Variants in USP32 observed in about 807,000 individuals in gnomAD.
The protein encoded by USP32 is ubiquitin carboxyl-terminal hydrolase 32.
A neutral mutation model predicts 204.8 loss-of-function variants in USP32; 59 were observed. That is an observed-to-expected ratio of 0.29 (90% CI 0.23 to 0.36). The LOEUF is 0.36. USP32 is among the 10% of genes least tolerant of loss of function. USP32 has a pLI of 1.00. For synonymous variants in USP32, 517 were observed against 678.4 expected, an observed-to-expected ratio of 0.76 and a Z score of 3.70; for missense variants, 1,160 against 1,946.4, an observed-to-expected ratio of 0.60 and a Z score of 7.60.
intron 5 of USP32, among the ~76,000 whole-genome samples, chr17:60,281,048 A>G (rs1282495761): frequency 6.6e-6 from 1 of 152,252 alleles, no homozygotes; most frequent in Non-Finnish European, 1.5e-5. Flanking sequence ...TTATAAAATA[A>G]AAGTAAACAA....
At chr17:60,257,492 T>G (rs1375103582) in intron 9 of USP32, among the ~76,000 whole-genome samples, 5 of 152,112 alleles carry the variant, frequency 3.3e-5, no homozygotes, top group Non-Finnish European at 5.9e-5. Flanking sequence ...TTTATTTTAT[T>G]TTGTTTTCTA....
Position 60,178,856 on chromosome 17 carries a change from CATT to C in USP32, c.*396_*398del. 6.6e-6 allele frequency among the ~76,000 whole-genome samples: 1 copy of C among 152,300 alleles called. No homozygotes were observed. The highest frequency in any genetic ancestry group is 2.1e-4 in the South Asian group (1 of 4,822). On this transcript the variant is annotated 3_prime_UTR_variant, in exon 34 of 34. Coordinates refer to ENST00000300896, the MANE Select transcript of USP32 (RefSeq NM_032582.4). ...AGCATATCATGTCGTCCCTAGACAA[CATT>C]ATAATTGTTTGTTTTTTACTCTGAC... is the stretch of plus-strand genomic sequence containing the variant.
At chr17:60,390,006 G>C (rs1330693661) in intron 1 of USP32, among the ~76,000 whole-genome samples, 1 of 151,852 alleles carries the variant, frequency 6.6e-6, no homozygotes, top group Non-Finnish European at 1.5e-5. Flanking sequence ...AACAGAGCAA[G>C]ACTCGTCTCA....
chr17:60,211,695 T>G (rs567007474), intron 19 of USP32, among the ~76,000 whole-genome samples, 181 bp from the exon 20 acceptor site: 1 of 152,136 alleles, frequency 6.6e-6, no homozygotes, highest in Non-Finnish European at 1.5e-5. Flanking sequence ...CTGGCAACAG[T>G]GATGATCCAT....
In USP32 at chr17:60,344,809, A is replaced by C. The variant is rs534282091; in HGVS notation, c.186+672T>G. ...AATGACAAAATGTACATCTGTGTAC[A>C]TAACTACAAAATAGTAAACTTTTAT... On this transcript the variant is annotated intron_variant, in intron 2 of 33. Transcript: ENST00000300896. Among the ~76,000 whole-genome samples, 99 of 152,350 alleles carry C rather than the reference A, an allele frequency of 6.5e-4. 1 individual carries two copies. In the East Asian group the frequency reaches 0.012, roughly 19 times the overall value.
At chr17:60,327,058 A>G (rs2088257858) in intron 2 of USP32, among the ~76,000 whole-genome samples, 1 of 152,184 alleles carries the variant, frequency 6.6e-6, no homozygotes, top group African/African-American at 2.4e-5. Context: ...GTAGCATGCT[A>G]CAGCACTATA....
rs1286407251 is a variant in USP32, at chr17:60,252,408, G to C, written c.1109C>G (p.Thr370Ser). The C allele has an allele frequency of 6.2e-7, 1 of 1,609,784 alleles. No individual in the cohort carries two copies. The highest frequency in any genetic ancestry group is 1.3e-5 in the African/African-American group (1 of 74,672). Residue 370 changes from threonine (T) to serine (S), a missense_variant, in exon 11 of 34, where the codon ACT becomes AGT. Transcript: ENST00000300896. ...AATAATTTGTCCTTCTTCTTCCGGA[G>C]TAGCTGGTCTTAACCCCAGAACTAT... ...CHIVLGLRPA[T>S]PEEEGQIIRG...
At chr17:60,241,364 G>A (rs2085873032) in intron 11 of USP32, among the ~76,000 whole-genome samples, 1 of 152,138 alleles carries the variant, frequency 6.6e-6, no homozygotes, top group Non-Finnish European at 1.5e-5. Flanking sequence ...CAGGTGGGTT[G>A]CCATTTTCAA....
intron 1 of USP32, among the ~76,000 whole-genome samples, chr17:60,352,154 A>G (rs1028897850): frequency 6.6e-6 from 1 of 152,230 alleles, no homozygotes; most frequent in Non-Finnish European, 1.5e-5. Context: ...CTAAATGACT[A>G]TATTTTTCAG....
chr17:60,419,839 ATT>A (rs1366252982), intron 1 of USP32, among the ~76,000 whole-genome samples: 3 of 144,790 alleles, frequency 2.1e-5, no homozygotes, highest in Admixed American at 6.9e-5. Flanking sequence ...TATTATTATT[ATT>A]ATTATTATTA....
intron 2 of USP32, among the ~76,000 whole-genome samples, chr17:60,324,173 T>C (rs1369891844): frequency 6.6e-6 from 1 of 151,860 alleles, no homozygotes; most frequent in Non-Finnish European, 1.5e-5. Flanking sequence ...TCCCAGCTAC[T>C]TGGGAGGCTA....
intron 1 of USP32, among the ~76,000 whole-genome samples, chr17:60,389,521 C>A (rs1279827844): frequency 1.3e-5 from 2 of 150,570 alleles, no homozygotes; most frequent in Admixed American, 1.3e-4. Context: ...CCAGCCTGGG[C>A]GACAGAGCGA....
intron 1 of USP32, among the ~76,000 whole-genome samples, chr17:60,397,985 G>T (rs2089910858): frequency 6.6e-6 from 1 of 152,094 alleles, no homozygotes; most frequent in African/African-American, 2.4e-5. Context: ...TCACATGGTG[G>T]TACTAACCCA....
At chr17:60,351,433 C>T (rs148122062) in intron 1 of USP32, among the ~76,000 whole-genome samples, 16 of 147,594 alleles carry the variant, frequency 1.1e-4, no homozygotes, top group African/African-American at 4.3e-4. Context: ...TCTACTATGC[C>T]AGGCTTCTTT....
chr17:60,345,610 T>A lies in USP32; in HGVS notation c.59-2A>T, dbSNP rs1432848511. 6.2e-7 allele frequency: 1 copy of A among 1,613,976 alleles called. No homozygotes were observed. ...GTCGTTTTAGCTCTACATCTGTAAC[T>A]GCAATTCAGAAACAGAAGATGGGTA... On this transcript the variant is annotated splice_acceptor_variant, in intron 1 of 33. Coordinates refer to ENST00000300896, the MANE Select transcript of USP32 (RefSeq NM_032582.4). LOFTEE classifies it high-confidence loss of function.
chr17:60,192,757 A>T (rs1481444493), intron 28 of USP32, 87 bp downstream of exon 28: 10 of 1,486,392 alleles, frequency 6.7e-6, no homozygotes, highest in Non-Finnish European at 9.3e-6. Context: ...TTCACTATTT[A>T]CTTCTCAAAA....
rs2084005954 is a variant in USP32, at chr17:60,177,894, G to T, written c.*1361C>A. 6.6e-6 allele frequency among the ~76,000 whole-genome samples: 1 copy of T among 151,792 alleles called. No homozygotes were observed. Among genetic ancestry groups the T allele is most frequent in the South Asian group, 2.1e-4 (1 of 4,826 alleles). ...ACAATTAATGAGAATCAACTTGCAG[G>T]GTCTAAATGAATAAACAAAGACCAA... On this transcript the variant is annotated 3_prime_UTR_variant, in exon 34 of 34. Coordinates refer to ENST00000300896, the MANE Select transcript of USP32 (RefSeq NM_032582.4).
chr17:60,239,981 C>T (rs1387703718), intron 11 of USP32, among the ~76,000 whole-genome samples: 2 of 152,206 alleles, frequency 1.3e-5, no homozygotes, highest in Admixed American at 6.5e-5. Flanking sequence ...AAATTATCTG[C>T]GCCTTGGCCT....
chr17:60,388,533 G>C (rs2089772925), intron 1 of USP32, among the ~76,000 whole-genome samples: 1 of 152,136 alleles, frequency 6.6e-6, no homozygotes, highest in African/African-American at 2.4e-5. Flanking sequence ...CACAAACTTA[G>C]ATGCAACAAG....
Sources: gnomAD v4.1 joint callset for allele counts (sites outside exome capture counted in the v4.1 genomes callset) on GRCh38, gnomAD v4.1.1 for gene constraint, MANE v1.5 for transcripts, NCBI Gene and HGNC (gene_info 2026-07-23, HGNC 2026-07-21) for gene names.